Variants in UBR3 observed in about 807,000 individuals in gnomAD.
UBR3 encodes the protein E3 ubiquitin-protein ligase UBR3.
In UBR3, 85 loss-of-function variants were observed where a neutral mutation model predicts 243.2. That is an observed-to-expected ratio of 0.35 (90% CI 0.29 to 0.42). UBR3 has a LOEUF of 0.42. UBR3 is among the 10% of genes least tolerant of loss of function. UBR3 has a pLI of 1.00. For synonymous variants in UBR3, 748 were observed against 799.8 expected, an observed-to-expected ratio of 0.94 and a Z score of 1.09; for missense variants, 1,686 against 2,300.8, an observed-to-expected ratio of 0.73 and a Z score of 5.47.
chr2:170,055,555 G>A lies in UBR3; in HGVS notation c.4756G>A (p.Ala1586Thr), dbSNP rs757246871. Residue 1586 changes from alanine to threonine, a missense_variant, in exon 33 of 39, where the codon GCC (alanine) becomes ACC (threonine). By Grantham distance (58) the Ala-to-Thr change is moderately conservative. Coordinates refer to ENST00000272793, the MANE Select transcript of UBR3 (RefSeq NM_172070.4). ...TAAATGCAGCGAAGAAGATAGGTCA[G>A]CCTGGAAACACGCGGGAGCTCTCAA... Reference protein sequence around the residue: ...SVKCSEEDRSAWKHAGALKKS... With the variant: ...SVKCSEEDRSTWKHAGALKKS... 24 of 1,613,502 alleles carry A rather than the reference G, an allele frequency of 1.5e-5. No individual in the cohort carries two copies. The South Asian group carries it at 2.5e-4, about 17-fold the overall frequency.
chr2:169,868,702 A>G (rs778817519), intron 1 of UBR3, among the ~76,000 whole-genome samples: 35 of 152,118 alleles, frequency 2.3e-4, no homozygotes, highest in Non-Finnish European at 5.0e-4. Flanking sequence ...AACCACTAAC[A>G]TTTTCTTGTA....
intron 35 of UBR3, among the ~76,000 whole-genome samples, chr2:170,062,829 C>G (rs969167686): frequency 6.6e-6 from 1 of 152,104 alleles, no homozygotes; most frequent in Non-Finnish European, 1.5e-5. Context: ...GAAAGTTGGT[C>G]TGGTGTTTGA....
At chr2:169,883,865 A>AAG (rs2083987458) in intron 5 of UBR3, among the ~76,000 whole-genome samples, 1 of 152,196 alleles carries the variant, frequency 6.6e-6, no homozygotes, top group African/African-American at 2.4e-5. Flanking sequence ...ACAGAGTCTT[A>AAG]CTCTTTTGCC....
At chr2:169,867,475 G>C (rs1445023787) in intron 1 of UBR3, among the ~76,000 whole-genome samples, 1 of 152,054 alleles carries the variant, frequency 6.6e-6, no homozygotes, top group African/African-American at 2.4e-5. Context: ...ATTGTAAATG[G>C]AGGTATAATA....
In UBR3 at chr2:169,957,452, T is replaced by A. The variant is rs139807228; in HGVS notation, c.3546-986T>A. 1.3e-4 allele frequency among the ~76,000 whole-genome samples: 19 copies of A among 151,702 alleles called. No homozygotes were observed. The East Asian group carries it at 2.9e-3, about 23-fold the overall frequency. On this transcript the variant is annotated intron_variant, in intron 23 of 38. Transcript: ENST00000272793. The stretch of plus-strand genomic sequence containing the variant: ...CTGGAAACCGTCATTCTGACCAAAC[T>A]GTCACAAAGACAAAAAACCAAACAC...
intron 25 of UBR3, among the ~76,000 whole-genome samples, chr2:169,990,640 A>G (rs985442816): frequency 6.6e-6 from 1 of 151,942 alleles, no homozygotes; most frequent in Admixed American, 6.6e-5. Context: ...TGAAGTAGAT[A>G]TTTATTTAAA....
intron 24 of UBR3, among the ~76,000 whole-genome samples, chr2:169,962,326 C>T (rs1028941804): frequency 1.8e-4 from 28 of 152,026 alleles, no homozygotes; most frequent in African/African-American, 5.1e-4. Context: ...CCTTCTGCCT[C>T]GGCCTCCCAA....
At chr2:169,890,538 G>T (rs56342606) in intron 5 of UBR3, among the ~76,000 whole-genome samples, 60,986 of 77,282 alleles carry the variant, frequency 0.79, 24,151 homozygotes, top group East Asian at 0.85. Context: ...GAGAGAGAGA[G>T]AGATATATAT....
At chr2:169,854,560 A>G (rs1256941427) in intron 1 of UBR3, among the ~76,000 whole-genome samples, 1 of 152,146 alleles carries the variant, frequency 6.6e-6, no homozygotes, top group East Asian at 1.9e-4. Flanking sequence ...GAGTTTCTGT[A>G]TTGATAAATC....
intron 30 of UBR3, 76 bp downstream of exon 30, chr2:170,015,442 G>T: frequency 8.4e-7 from 1 of 1,191,494 alleles, no homozygotes; most frequent in Non-Finnish European, 1.2e-6. Context: ...GTGACATTTT[G>T]GTATATTTCA....
Position 169,988,925 on chromosome 2 carries a change from CT to C in UBR3, c.3784+2134del, listed in dbSNP as rs201683575. Among the ~76,000 whole-genome samples the C allele has an allele frequency of 4.1e-3, 618 of 152,244 alleles. 5 individuals carry two copies. Among genetic ancestry groups the C allele is most frequent in the African/African-American group, 0.014 (578 of 41,546 alleles). The stretch of plus-strand genomic sequence containing the variant: ...TCTAAGCCTTATCCACCCATTGATA[CT>C]TTCCCCCTTTTACCCCTTTTTTCTC... On this transcript the variant is annotated intron_variant, in intron 25 of 38. Transcript: ENST00000272793.
chr2:169,924,230 T>C, intron 13 of UBR3, 57 bp downstream of exon 13: 1 of 1,319,446 alleles, frequency 7.6e-7, no homozygotes, highest in Non-Finnish European at 1.0e-6. Flanking sequence ...AAGTGATTCT[T>C]CCTTTATTTA....
intron 24 of UBR3, among the ~76,000 whole-genome samples, chr2:169,984,955 A>G (rs560688436): frequency 2.9e-3 from 439 of 152,114 alleles, no homozygotes; most frequent in Non-Finnish European, 5.1e-3. Context: ...AGCATCTTGG[A>G]TAATGTATTT....
intron 32 of UBR3, among the ~76,000 whole-genome samples, chr2:170,043,010 G>A (rs2091005726): frequency 1.3e-5 from 2 of 152,042 alleles, no homozygotes; most frequent in Admixed American, 1.3e-4. Flanking sequence ...TAGGGAAACA[G>A]TTGCCTTGGA....
At chr2:169,877,774 A>C in intron 4 of UBR3, 137 bp downstream of exon 4, 1 of 904,940 alleles carries the variant, frequency 1.1e-6, no homozygotes, top group South Asian at 2.0e-5. Context: ...AAGTAATAAA[A>C]GTAGTAAAAA....
intron 24 of UBR3, among the ~76,000 whole-genome samples, chr2:169,984,880 G>T (rs542398558): frequency 6.6e-6 from 1 of 151,920 alleles, no homozygotes; most frequent in Non-Finnish European, 1.5e-5. Flanking sequence ...CATGCCATTG[G>T]TACTGTATCA....
At chr2:169,879,867 A>T (rs183381261) in intron 5 of UBR3, among the ~76,000 whole-genome samples, 1 of 152,254 alleles carries the variant, frequency 6.6e-6, no homozygotes, top group Admixed American at 6.5e-5. Flanking sequence ...AATGGGAAAA[A>T]TTTTCTGATA....
At chr2:169,982,386 A>T (rs2088779327) in intron 24 of UBR3, among the ~76,000 whole-genome samples, 1 of 152,034 alleles carries the variant, frequency 6.6e-6, no homozygotes, top group Non-Finnish European at 1.5e-5. Context: ...TTAATTTATA[A>T]ATATAAAGGT....
intron 11 of UBR3, among the ~76,000 whole-genome samples, chr2:169,917,902 C>T (rs995292333): frequency 5.9e-5 from 9 of 152,124 alleles, no homozygotes; most frequent in African/African-American, 1.9e-4. Context: ...GGGGTTTCAC[C>T]ATGTCAGCCA....
Sources: allele counts gnomAD v4.1 joint callset (sites outside exome capture counted in the v4.1 genomes callset), GRCh38; gene constraint gnomAD v4.1.1; transcripts MANE v1.5; gene names NCBI Gene and HGNC (gene_info 2026-07-23, HGNC 2026-07-21).